Variants in THRAP3 observed in about 807,000 individuals in gnomAD.
The protein encoded by THRAP3 is thyroid hormone receptor associated protein 3.
Under a neutral mutation model 101.0 loss-of-function variants are expected in THRAP3, and 16 were observed. That is an observed-to-expected ratio of 0.16 (90% CI 0.11 to 0.24). The LOEUF (loss-of-function observed/expected upper bound fraction) is 0.24. Among genes scored for constraint, THRAP3 ranks in the 10% least tolerant of loss-of-function variants. The pLI is 1.00. For synonymous variants in THRAP3, 407 were observed against 422.6 expected, an observed-to-expected ratio of 0.96 and a Z score of 0.45; for missense variants, 989 against 1,202.7, an observed-to-expected ratio of 0.82 and a Z score of 2.63.
At chr1:36,220,972 A>AAATATAT (rs1285765741), upstream of THRAP3, among the ~76,000 whole-genome samples, 12 of 94,122 alleles carry the variant, frequency 1.3e-4, no homozygotes, top group Non-Finnish European at 1.8e-4. Flanking sequence ...AAAAAAAAAA[A>AAATATAT]ATATATATAT....
the THRAP3 span, among the ~76,000 whole-genome samples, chr1:36,211,333 C>G: frequency 6.6e-6 from 1 of 151,288 alleles, no homozygotes; most frequent in Non-Finnish European, 1.5e-5. Context: ...TGTACTCCAG[C>G]CTGGGAGACA....
intron 1 of THRAP3, among the ~76,000 whole-genome samples, chr1:36,240,055 A>G (rs1031032704): frequency 1.8e-4 from 27 of 152,236 alleles, no homozygotes; most frequent in Admixed American, 6.5e-4. Context: ...CATGTAACAC[A>G]TAAGAACAGC....
chr1:36,298,881 A>G (rs1391209955), intron 9 of THRAP3, among the ~76,000 whole-genome samples: 1 of 151,912 alleles, frequency 6.6e-6, no homozygotes, highest in African/African-American at 2.4e-5. Context: ...TGTGGCTTTG[A>G]CCTCCTGGGC....
chr1:36,260,663 A>G (rs1238353466), intron 2 of THRAP3, among the ~76,000 whole-genome samples: 3 of 152,030 alleles, frequency 2.0e-5, no homozygotes, highest in Admixed American at 6.6e-5. Context: ...TCTACTAAAA[A>G]TACAAAAAAT....
Position 36,295,579 on chromosome 1 carries a change from T to TCCTCCCTTCCTTCCTC in THRAP3, c.2116-990_2116-975dup, listed in dbSNP as rs1443731383. Among the ~76,000 whole-genome samples the TCCTCCCTTCCTTCCTC allele has an allele frequency of 1.6e-3, 234 of 141,936 alleles. 3 individuals are homozygous for TCCTCCCTTCCTTCCTC. The highest frequency in any genetic ancestry group is 0.011 in the East Asian group (54 of 4,876). 93.1% of individuals were successfully genotyped at this position (141,936 alleles called of 152,430 possible). ...TTCCTTCCTTCCTTCCTTCCTTCCCTCCTCCCTTCCTTCCTCCCTCCCTTC... is the reference window on the plus strand; with the variant it reads ...TTCCTTCCTTCCTTCCTTCCTTCCCTCCTCCCTTCCTTCCTCCCTCCCTTCCTTCCTCCCTCCCTTC... On this transcript the variant is annotated intron_variant, in intron 8 of 11. Transcript: ENST00000354618.
intron 2 of THRAP3, among the ~76,000 whole-genome samples, chr1:36,281,800 G>A (rs1370442048): frequency 6.6e-6 from 1 of 151,982 alleles, no homozygotes; most frequent in East Asian, 1.9e-4. Flanking sequence ...GCCAGGCACG[G>A]TGGCTCACGC....
intron 8 of THRAP3, chr1:36,294,341 T>C: frequency 3.5e-6 from 2 of 567,570 alleles, no homozygotes; most frequent in Non-Finnish European, 4.5e-6. Flanking sequence ...TGTCTTAACT[T>C]AAGTAGACTG....
chr1:36,233,435 G>GC (rs921742244), intron 1 of THRAP3, among the ~76,000 whole-genome samples: 2 of 148,946 alleles, frequency 1.3e-5, no homozygotes, highest in African/African-American at 5.2e-5. Context: ...GAACCTGGGA[G>GC]GGGGAGCTTG....
At chr1:36,220,910 C>T (rs1034722515), upstream of THRAP3, among the ~76,000 whole-genome samples, 15 of 139,388 alleles carry the variant, frequency 1.1e-4, no homozygotes, top group Middle Eastern at 4.1e-3. Context: ...GAGCAGAGAT[C>T]GCACTACTGC....
chr1:36,248,033 C>G (rs1011554511), intron 1 of THRAP3, among the ~76,000 whole-genome samples: 2 of 151,862 alleles, frequency 1.3e-5, no homozygotes, highest in African/African-American at 4.8e-5. Flanking sequence ...GCACACGCCA[C>G]CATGCATGGC....
At position 36,294,144 on chromosome 1, in the gene THRAP3, C is replaced by G. The variant is rs965842708; in HGVS notation, c.2115+209C>G. The G allele has an allele frequency of 3.0e-6, 4 of 1,330,024 alleles. No individual in the cohort carries two copies. In the African/African-American group the frequency reaches 5.9e-5, roughly 20 times the overall value. The allele number at this position is 1,330,024 out of a possible 1,614,324, so 82.4% of individuals were successfully genotyped here. On this transcript the variant is annotated intron_variant, in intron 8 of 11. Coordinates refer to ENST00000354618, the MANE Select transcript of THRAP3 (RefSeq NM_005119.4). ...AGTGGTTAGAATATGGTAAATGACC[C>G]CAAAGTCTATTGAGGTGAGCTTGAG...
intron 1 of THRAP3, among the ~76,000 whole-genome samples, chr1:36,229,684 C>T (rs561693278): frequency 2.0e-5 from 3 of 152,034 alleles, no homozygotes; most frequent in East Asian, 3.9e-4. Flanking sequence ...TGGAGTTTCG[C>T]TCTTGTTGCC....
Position 36,286,325 on chromosome 1 carries a change from G to A in THRAP3, c.138-43G>A, listed in dbSNP as rs947606994. 2.0e-6 allele frequency: 3 copies of A among 1,516,234 alleles called. No individual in the cohort carries two copies. The highest frequency in any genetic ancestry group is 2.7e-6 in the Non-Finnish European group (3 of 1,130,284). The allele number at this position is 1,516,234 out of a possible 1,614,324, so 93.9% of individuals were successfully genotyped here. ...AGATTTTTCTTGAATAAAAATGCTT[G>A]TGTCAAAAATTCAAACATTTGTCTC... On this transcript the variant is annotated intron_variant, in intron 3 of 11. Transcript: ENST00000354618. This position sits in a 1 kb window ranked among gnomAD's most constrained non-coding sequence, Gnocchi z 5.5.
At chr1:36,289,801 T>G (rs746853067) in intron 5 of THRAP3, 37 bp downstream of exon 5, 2 of 1,548,546 alleles carry the variant, frequency 1.3e-6, no homozygotes, top group South Asian at 2.5e-5. Flanking sequence ...AGTGCTTTAG[T>G]GGCCTAAGTG....
chr1:36,301,012 C>G lies in THRAP3; in HGVS notation c.2430C>G (p.Asp810Glu). 14 of 1,614,194 alleles carry G rather than the reference C, an allele frequency of 8.7e-6. No individual in the cohort carries two copies. Among genetic ancestry groups the G allele is most frequent in the Non-Finnish European group, 1.2e-5 (14 of 1,180,036 alleles). ...EEREESTTGF[D>E]KSRLGTKDFV... ...GAGAGGAGAGCACCACGGGCTTTGA[C>G]AAATCAAGACTGGGGACCAAAGACT... Residue 810 changes from aspartate (D) to glutamate (E), a missense_variant, in exon 10 of 12, where the codon GAC becomes GAG. Coordinates refer to ENST00000354618, the MANE Select transcript of THRAP3 (RefSeq NM_005119.4).
At chr1:36,288,298 C>G (rs1357383760) in intron 4 of THRAP3, 6 of 834,626 alleles carry the variant, frequency 7.2e-6, no homozygotes, top group Non-Finnish European at 8.7e-6. Context: ...GTTTTTTATC[C>G]TTGCCCCCTC....
At chr1:36,232,551 A>G (rs1427152645) in intron 1 of THRAP3, among the ~76,000 whole-genome samples, 1 of 152,224 alleles carries the variant, frequency 6.6e-6, no homozygotes, top group Non-Finnish European at 1.5e-5. Context: ...TTTAGAGAGT[A>G]AGAGGGATTT....
At chr1:36,245,240 C>T (rs1645217235) in intron 1 of THRAP3, among the ~76,000 whole-genome samples, 1 of 149,802 alleles carries the variant, frequency 6.7e-6, no homozygotes, top group Admixed American at 6.7e-5. Context: ...AATCTTGGTT[C>T]ACTGCAACCT....
At chr1:36,263,309 A>G (rs941202940) in intron 2 of THRAP3, among the ~76,000 whole-genome samples, 3 of 152,092 alleles carry the variant, frequency 2.0e-5, no homozygotes, top group Non-Finnish European at 4.4e-5. Flanking sequence ...TATGTTGCCC[A>G]GGCTGGTCTC....
Sources: gnomAD v4.1 joint callset for allele counts (sites outside exome capture counted in the v4.1 genomes callset) on GRCh38, gnomAD v4.1.1 for gene constraint, Gnocchi (gnomAD v3.1) non-coding constraint, MANE v1.5 for transcripts, NCBI Gene and HGNC (gene_info 2026-07-23, HGNC 2026-07-21) for gene names.